RALYL: variants seen among roughly 807,000 people sequenced by gnomAD.
RALYL encodes the protein RALY RNA binding protein like.
Under a neutral mutation model 35.1 loss-of-function variants are expected in RALYL, and 29 were observed. The observed-to-expected ratio is 0.83, with a 90% CI of 0.61 to 1.13. RALYL has a LOEUF of 1.13. RALYL is among the 50% of genes most tolerant of loss of function. The pLI, the probability that RALYL is intolerant of heterozygous loss-of-function variation, is 0.00. For missense variants in RALYL, 359 were observed against 360.4 expected (o/e 1.00, Z 0.03); for synonymous variants, 120 against 127.6 (o/e 0.94, Z 0.40).
intron 2 of RALYL, among the ~76,000 whole-genome samples, chr8:84,671,272 G>T (rs1833172523): frequency 6.6e-6 from 1 of 152,148 alleles, no homozygotes; most frequent in Admixed American, 6.6e-5. Flanking sequence ...CTCCCTGCTG[G>T]CTGCTGTAAT....
chr8:84,290,912 T>A (rs1181834464), intron 1 of RALYL, among the ~76,000 whole-genome samples: 5 of 152,210 alleles, frequency 3.3e-5, no homozygotes, highest in Non-Finnish European at 1.5e-5. Flanking sequence ...ACTTTTGATA[T>A]CTTTCAGATC....
intron 4 of RALYL, among the ~76,000 whole-genome samples, chr8:84,840,567 C>A (rs1196793764): frequency 2.0e-5 from 3 of 152,212 alleles, no homozygotes; most frequent in Non-Finnish European, 4.4e-5. Flanking sequence ...AGGAGAACTT[C>A]CCCAATCTAG....
intron 1 of RALYL, among the ~76,000 whole-genome samples, chr8:84,365,601 G>A (rs991611555): frequency 6.6e-6 from 1 of 152,180 alleles, no homozygotes; most frequent in African/African-American, 2.4e-5. Flanking sequence ...GAAAATTGAA[G>A]CAAATGTATT....
At position 84,193,828 on chromosome 8, in the gene RALYL, T is replaced by C. The variant is rs1353417597; in HGVS notation, c.-24+9404T>C. ...AAGGAAACAGTTGAGGATTACTTGG[T>C]TAGAGACTAGAAAGGCATCCACTTT... is the stretch of plus-strand genomic sequence containing the variant. On this transcript the variant is annotated intron_variant, in intron 1 of 8. Coordinates refer to ENST00000521268, the MANE Select transcript of RALYL (RefSeq NM_173848.7). Among the ~76,000 whole-genome samples, 3 of 152,120 alleles carry C rather than the reference T, an allele frequency of 2.0e-5. No homozygotes were observed. In the South Asian group the frequency reaches 6.2e-4, roughly 32 times the overall value.
intron 4 of RALYL, among the ~76,000 whole-genome samples, chr8:84,806,172 G>C (rs1250868844): frequency 6.6e-6 from 1 of 152,080 alleles, no homozygotes; most frequent in Non-Finnish European, 1.5e-5. Flanking sequence ...ATTATTAGGG[G>C]ATGTGGAAGA....
chr8:84,581,039 T>G (rs1359350339), intron 2 of RALYL, among the ~76,000 whole-genome samples: 1 of 152,184 alleles, frequency 6.6e-6, no homozygotes, highest in Non-Finnish European at 1.5e-5. Flanking sequence ...GGCCTCTCCA[T>G]GTAGTTTGAC....
chr8:84,610,371 A>G (rs768685372), intron 2 of RALYL, among the ~76,000 whole-genome samples: 6 of 152,036 alleles, frequency 3.9e-5, no homozygotes, highest in Non-Finnish European at 7.4e-5. Flanking sequence ...TATTTTTCTC[A>G]TGATTAGACT....
chr8:84,535,602 ATTATT>A (rs71273903), intron 2 of RALYL, among the ~76,000 whole-genome samples: 63,361 of 138,022 alleles, frequency 0.46, 14,277 homozygotes, highest in East Asian at 0.65. Flanking sequence ...CGCCCGGCTA[ATTATT>A]TTATTTTATT....
At chr8:84,629,375 A>T (rs1272665999) in intron 2 of RALYL, among the ~76,000 whole-genome samples, 1 of 152,078 alleles carries the variant, frequency 6.6e-6, no homozygotes. Context: ...ATACTTCCAA[A>T]ATGCATATAT....
intron 4 of RALYL, among the ~76,000 whole-genome samples, chr8:84,842,407 G>C (rs964494613): frequency 1.3e-5 from 2 of 152,104 alleles, no homozygotes; most frequent in African/African-American, 2.4e-5. Flanking sequence ...ACCCTCCCAA[G>C]ACTAAACCAG....
intron 1 of RALYL, among the ~76,000 whole-genome samples, chr8:84,363,785 A>T (rs1190707853): frequency 6.6e-6 from 1 of 152,058 alleles, no homozygotes; most frequent in East Asian, 1.9e-4. Context: ...ATCTCCCTGA[A>T]CCCTGCAATT....
intron 2 of RALYL, among the ~76,000 whole-genome samples, chr8:84,659,930 A>G (rs1830597905): frequency 6.6e-6 from 1 of 152,204 alleles, no homozygotes. Flanking sequence ...GTTAGAAATC[A>G]GTAAATACTG....
intron 2 of RALYL, among the ~76,000 whole-genome samples, chr8:84,585,227 C>A (rs1811726724): frequency 6.6e-6 from 1 of 152,164 alleles, no homozygotes; most frequent in South Asian, 2.1e-4. Context: ...GTCAGTCATT[C>A]TTTCCCTGAA....
At chr8:84,643,303 T>G (rs1485220150) in intron 2 of RALYL, among the ~76,000 whole-genome samples, 1 of 151,850 alleles carries the variant, frequency 6.6e-6, no homozygotes, top group Non-Finnish European at 1.5e-5. Context: ...CAGCCGAGTC[T>G]AAATAGAGAA....
At chr8:84,475,670 T>C (rs990177527) in intron 1 of RALYL, among the ~76,000 whole-genome samples, 2 of 152,152 alleles carry the variant, frequency 1.3e-5, no homozygotes, top group African/African-American at 4.8e-5. Context: ...CAATTAGTGT[T>C]TACGAAGAAA....
intron 1 of RALYL, among the ~76,000 whole-genome samples, chr8:84,277,053 C>A (rs1835531529): frequency 6.6e-6 from 1 of 152,192 alleles, no homozygotes; most frequent in African/African-American, 2.4e-5. Flanking sequence ...ATTTTTATAT[C>A]TCTACTGTGT....
intron 2 of RALYL, among the ~76,000 whole-genome samples, chr8:84,557,945 G>A (rs1363812334): frequency 6.6e-6 from 1 of 152,132 alleles, no homozygotes; most frequent in African/African-American, 2.4e-5. Flanking sequence ...AGAACCTGAA[G>A]CATACAAGTA....
At chr8:84,551,611 G>A (rs1206448173) in intron 2 of RALYL, among the ~76,000 whole-genome samples, 1 of 152,060 alleles carries the variant, frequency 6.6e-6, no homozygotes, top group Non-Finnish European at 1.5e-5. Context: ...TAAAAAAAAT[G>A]AGGAAAGAGA....
At chr8:84,792,166 C>T (rs1013960256) in intron 3 of RALYL, among the ~76,000 whole-genome samples, 1 of 152,192 alleles carries the variant, frequency 6.6e-6, no homozygotes, top group East Asian at 1.9e-4. Flanking sequence ...AGCTCAGTAC[C>T]CTCTTGGTAC....
Sources: allele counts gnomAD v4.1 joint callset (sites outside exome capture counted in the v4.1 genomes callset), GRCh38; gene constraint gnomAD v4.1.1; transcripts MANE v1.5; gene names NCBI Gene and HGNC (gene_info 2026-07-23, HGNC 2026-07-21).